Variants in IL2 observed in about 807,000 individuals in gnomAD.
IL2 encodes the protein interleukin 2.
A neutral mutation model predicts 14.6 loss-of-function variants in IL2; 3 were observed. The observed-to-expected ratio is 0.21, with a 90% CI of 0.09 to 0.53. IL2 has a LOEUF of 0.53. IL2 is among the 20% of genes least tolerant of loss of function. The pLI, the probability that IL2 is intolerant of heterozygous loss-of-function variation, is 0.95. For synonymous variants in IL2, 71 were observed against 60.0 expected, an observed-to-expected ratio of 1.18 and a Z score of -0.85; for missense variants, 125 against 170.8, an observed-to-expected ratio of 0.73 and a Z score of 1.50.
chr4:122,454,184 GT>G (rs988001065), intron 2 of IL2, among the ~76,000 whole-genome samples: 1 of 151,818 alleles, frequency 6.6e-6, no homozygotes, highest in Non-Finnish European at 1.5e-5. Context: ...AACCAGATGA[GT>G]TAGAATGTGG....
chr4:122,455,411 T>C (rs920433201), intron 2 of IL2, among the ~76,000 whole-genome samples: 2 of 151,926 alleles, frequency 1.3e-5, no homozygotes, highest in African/African-American at 4.8e-5. Context: ...GCATTATAAA[T>C]CTCAAGTTCT....
intron 3 of IL2, among the ~76,000 whole-genome samples, chr4:122,452,639 T>G (rs895035319): frequency 7.9e-5 from 12 of 152,122 alleles, no homozygotes; most frequent in African/African-American, 2.9e-4. Flanking sequence ...TTGAAGTGAT[T>G]CCTACCCTGG....
Position 122,456,512 on chromosome 4 carries a change from A to T in IL2, c.-72T>A. ...TAGGGAACTCTTGAACAAGAGATGC[A>T]ATTTATACTGTTAATTCTGGAAAAA... On this transcript the variant is annotated 5_prime_UTR_variant, in exon 1 of 4. Coordinates refer to ENST00000226730, the MANE Select transcript of IL2 (RefSeq NM_000586.4). The T allele has an allele frequency of 8.5e-7, 1 of 1,179,332 alleles. No homozygotes were observed. Among genetic ancestry groups the T allele is most frequent in the Non-Finnish European group, 1.2e-6 (1 of 833,740 alleles). The allele number at this position is 1,179,332 out of a possible 1,614,324, so 73.1% of individuals were successfully genotyped here.
At chr4:122,452,239 G>A (rs182166858) in intron 3 of IL2, among the ~76,000 whole-genome samples, 6 of 152,138 alleles carry the variant, frequency 3.9e-5, no homozygotes, top group South Asian at 4.1e-4. Context: ...TAAGTTAAAT[G>A]TATGAATTGA....
chr4:122,452,324 A>T (rs1419333820), intron 3 of IL2, among the ~76,000 whole-genome samples: 1 of 152,032 alleles, frequency 6.6e-6, no homozygotes, highest in African/African-American at 2.4e-5. Context: ...GAATCTCCTT[A>T]TATTTTCCCC....
At chr4:122,455,505 G>A (rs1192678201) in intron 2 of IL2, among the ~76,000 whole-genome samples, 1 of 151,848 alleles carries the variant, frequency 6.6e-6, no homozygotes, top group Non-Finnish European at 1.5e-5. Flanking sequence ...AATAGCTAAT[G>A]CTTGTATGGT....
At chr4:122,452,003 G>C (rs924119601) in intron 3 of IL2, 141 bp from the exon 4 acceptor site, 7 of 383,182 alleles carry the variant, frequency 1.8e-5, no homozygotes, top group African/African-American at 1.5e-4. Flanking sequence ...TTCTTGAAAT[G>C]ATCAAAATGA....
Position 122,453,819 on chromosome 4 carries a change from T to G in IL2, c.242A>C (p.Glu81Ala). The G allele has an allele frequency of 6.2e-7, 1 of 1,611,536 alleles. No individual in the cohort carries two copies. The highest frequency in any genetic ancestry group is 8.5e-7 in the Non-Finnish European group (1 of 1,178,382). The change falls in exon 3 of 4, where the codon GAA (glutamate) becomes GCA (alanine). Residue 81 changes from glutamate to alanine, a missense_variant. Physicochemically the swap from Glu to Ala is moderately radical, Grantham distance 107. Coordinates refer to ENST00000226730, the MANE Select transcript of IL2 (RefSeq NM_000586.4). ...CACTTCCTCCAGAGGTTTGAGTTCTTCTTCTAGACACTGAAGATGTTTCAG... is the reference window on the plus strand; with the variant it reads ...CACTTCCTCCAGAGGTTTGAGTTCTGCTTCTAGACACTGAAGATGTTTCAG... ...TELKHLQCLE[E>A]ELKPLEEVLN...
chr4:122,453,046 C>G (rs1046290668), intron 3 of IL2, among the ~76,000 whole-genome samples: 6 of 151,890 alleles, frequency 4.0e-5, no homozygotes, highest in African/African-American at 1.4e-4. Context: ...TATACTTATG[C>G]TGCTTATTTA....
chr4:122,455,204 T>C (rs1797717641), intron 2 of IL2, among the ~76,000 whole-genome samples: 1 of 151,818 alleles, frequency 6.6e-6, no homozygotes, highest in African/African-American at 2.4e-5. Context: ...TAAATCCTAT[T>C]ATTTTCTGGG....
intron 3 of IL2, among the ~76,000 whole-genome samples, chr4:122,453,323 A>G (rs1797694390): frequency 6.6e-6 from 1 of 151,856 alleles, no homozygotes; most frequent in African/African-American, 2.4e-5. Context: ...ACACCATTTG[A>G]AAAGCCTTTC....
chr4:122,454,560 A>G (rs1410962245), intron 2 of IL2, among the ~76,000 whole-genome samples: 2 of 151,736 alleles, frequency 1.3e-5, no homozygotes, highest in African/African-American at 2.4e-5. Context: ...ATTTTCTCCA[A>G]AATAGGCCCA....
Position 122,456,491 on chromosome 4 carries a change from G to C in IL2, c.-51C>G. On this transcript the variant is annotated 5_prime_UTR_variant, in exon 1 of 4. Coordinates refer to ENST00000226730, the MANE Select transcript of IL2 (RefSeq NM_000586.4). ...AGTAGTGATTAAAGAGAGTGATAGG[G>C]AACTCTTGAACAAGAGATGCAATTT... The C allele has an allele frequency of 7.1e-7, 1 of 1,415,374 alleles. No individual in the cohort carries two copies. The highest frequency in any genetic ancestry group is 9.7e-7 in the Non-Finnish European group (1 of 1,034,908). The allele number at this position is 1,415,374 out of a possible 1,614,324, so 87.7% of individuals were successfully genotyped here. A position where few individuals can be genotyped will look rare whatever the true frequency, so the allele number is the denominator to read the frequency against.
In IL2 at chr4:122,451,865, A is replaced by G. The variant is rs745754932; in HGVS notation, c.352-3T>C. The G allele has an allele frequency of 2.0e-6, 3 of 1,511,320 alleles. No homozygotes were observed. Among genetic ancestry groups the G allele is most frequent in the African/African-American group, 1.4e-5 (1 of 71,810 alleles). The allele number at this position is 1,511,320 out of a possible 1,614,324, so 93.6% of individuals were successfully genotyped here. A position where few individuals can be genotyped will look rare whatever the true frequency, so the allele number is the denominator to read the frequency against. ...CACATGAATGTTGTTTCAGATCCCT[A>G]TAAAAGAAAAATGTTAATTTTTTAA... On this transcript the variant is annotated splice_region_variant and splice_polypyrimidine_tract_variant and intron_variant, in intron 3 of 3. Coordinates refer to ENST00000226730, the MANE Select transcript of IL2 (RefSeq NM_000586.4).
chr4:122,456,268 T>A, intron 1 of IL2, 26 bp downstream of exon 1: 1 of 1,599,246 alleles, frequency 6.3e-7, no homozygotes, highest in Non-Finnish European at 8.6e-7. Context: ...ATGTAATAAT[T>A]TTAGTAAGAA....
rs1163674754 is a variant in IL2 at position 122,451,818 on chromosome 4, T to G, written c.396A>C (p.Ala132=). Residue 132 remains alanine, a synonymous_variant, in exon 4 of 4, where the codon GCA becomes GCC. Coordinates refer to ENST00000226730, the MANE Select transcript of IL2 (RefSeq NM_000586.4). ...TFMCEYADET[A]TIVEFLNRWI... is the part of the protein sequence containing the mutation. ...ATCTGTTCAGAAATTCTACAATGGT[T>G]GCTGTCTCATCAGCATATTCACACA... 6.3e-7 allele frequency: 1 copy of G among 1,595,626 alleles called. No homozygotes were observed. Among genetic ancestry groups the G allele is most frequent in the South Asian group, 1.1e-5 (1 of 88,490 alleles).
chr4:122,455,187 G>A (rs568298660), intron 2 of IL2, among the ~76,000 whole-genome samples: 13 of 151,696 alleles, frequency 8.6e-5, no homozygotes, highest in Non-Finnish European at 1.5e-4. Flanking sequence ...TTGCATCTGT[G>A]TCCCCTTAAA....
intron 3 of IL2, 73 bp downstream of exon 3, chr4:122,453,637 C>T: frequency 7.5e-7 from 1 of 1,328,066 alleles, no homozygotes; most frequent in Non-Finnish European, 1.0e-6. Context: ...TGTTATGTCA[C>T]TTTAAAATGT....
At position 122,456,196 on chromosome 4, in the gene IL2, T is replaced by C. The variant is rs765829053; in HGVS notation, c.155A>G (p.Lys52Arg). The C allele has an allele frequency of 6.2e-7, 1 of 1,609,242 alleles. No homozygotes were observed. Among genetic ancestry groups the C allele is most frequent in the South Asian group, 1.1e-5 (1 of 90,948 alleles). The stretch of plus-strand genomic sequence containing the variant: ...GAGCATCCTGGTGAGTTTGGGATTC[T>C]TGTAATTCTAAGAAAGTATAATGCA... Reference protein sequence around the residue: ...QMILNGINNYKNPKLTRMLTF... With the variant: ...QMILNGINNYRNPKLTRMLTF... Residue 52 changes from lysine to arginine, a missense_variant, in exon 2 of 4, where the codon AAG (lysine) becomes AGG (arginine). Transcript: ENST00000226730.
Sources: allele counts gnomAD v4.1 joint callset (sites outside exome capture counted in the v4.1 genomes callset), GRCh38; gene constraint gnomAD v4.1.1; transcripts MANE v1.5; gene names NCBI Gene and HGNC (gene_info 2026-07-23, HGNC 2026-07-21).